The following HNF4G variants were observed in gnomAD, a reference collection of about 807,000 sequenced individuals.
HNF4G encodes the protein hepatocyte nuclear factor 4-gamma.
In HNF4G, 21 loss-of-function variants were observed where a neutral mutation model predicts 50.9. That is an observed-to-expected ratio of 0.41 (90% confidence interval 0.29 to 0.59). HNF4G has a LOEUF of 0.59. Ranked by LOEUF, HNF4G falls within the 20% of genes least tolerant of loss-of-function variation. The pLI is 0.26. For synonymous variants in HNF4G, 198 were observed against 185.6 expected, an observed-to-expected ratio of 1.07 and a Z score of -0.54; for missense variants, 527 against 559.4, an observed-to-expected ratio of 0.94 and a Z score of 0.58.
intron 4 of HNF4G, 108 bp downstream of exon 4, chr8:75,551,602 A>G (rs1297430820): frequency 4.7e-6 from 3 of 639,108 alleles, no homozygotes; most frequent in African/African-American, 3.6e-5. Context: ...TTACTAAAAT[A>G]AGTTACATCT....
chr8:75,545,215 A>G (rs1806737653), intron 2 of HNF4G, among the ~76,000 whole-genome samples: 1 of 149,318 alleles, frequency 6.7e-6, no homozygotes, highest in Admixed American at 6.7e-5. Flanking sequence ...TACCTTCTGG[A>G]GTCAGGTGCT....
At chr8:75,412,163 T>C (rs113829445) in intron 1 of HNF4G, among the ~76,000 whole-genome samples, 129 of 152,290 alleles carry the variant, frequency 8.5e-4, no homozygotes, top group African/African-American at 2.7e-3. Flanking sequence ...TGGAGATGTA[T>C]TGATGAATAA....
At chr8:75,437,818 T>A (rs1811176045) in intron 1 of HNF4G, among the ~76,000 whole-genome samples, 1 of 152,100 alleles carries the variant, frequency 6.6e-6, no homozygotes, top group African/African-American at 2.4e-5. Context: ...AATAAAATAA[T>A]ATAAAGTAAC....
intron 2 of HNF4G, among the ~76,000 whole-genome samples, chr8:75,533,302 T>C (rs549137057): frequency 4.3e-4 from 66 of 152,152 alleles, no homozygotes; most frequent in African/African-American, 1.6e-3. Context: ...TTGCTGCACA[T>C]TGGAATCACC....
chr8:75,544,823 A>C (rs569094980), intron 2 of HNF4G, among the ~76,000 whole-genome samples: 1 of 152,262 alleles, frequency 6.6e-6, no homozygotes, highest in Non-Finnish European at 1.5e-5. Context: ...TGGTTCTGTC[A>C]ATAAAAGGTA....
At position 75,414,582 on chromosome 8, in the gene HNF4G, T is replaced by C. The variant is rs367699125; in HGVS notation, c.-144+6420T>C. On this transcript the variant is annotated intron_variant, in intron 1 of 10. Coordinates refer to the HNF4G transcript ENST00000354370. Reference sequence around the variant, plus strand: ...TTCCCTGTCCCAAAGCAACCATTGATCTACTTTCTGGACCTGTAAATTCAT... The same window carrying C: ...TTCCCTGTCCCAAAGCAACCATTGACCTACTTTCTGGACCTGTAAATTCAT... 1.1e-4 allele frequency among the ~76,000 whole-genome samples: 17 copies of C among 152,330 alleles called. 3 individuals carry two copies. Among genetic ancestry groups the C allele is most frequent in the Admixed American group, 3.3e-4 (5 of 15,302 alleles).
intron 1 of HNF4G, among the ~76,000 whole-genome samples, chr8:75,415,656 C>A (rs1452497166): frequency 2.0e-5 from 3 of 152,128 alleles, no homozygotes; most frequent in African/African-American, 7.2e-5. Flanking sequence ...GATCAATTTG[C>A]TTTAGTCCTG....
At chr8:75,485,698 T>C (rs921503463) in intron 1 of HNF4G, 1 of 152,210 alleles carries the variant, frequency 6.6e-6, no homozygotes, top group Non-Finnish European at 1.5e-5. Flanking sequence ...ATTAATTTTG[T>C]TCCTCAAACT....
At chr8:75,463,290 T>C (rs1811895410) in intron 1 of HNF4G, among the ~76,000 whole-genome samples, 1 of 152,150 alleles carries the variant, frequency 6.6e-6, no homozygotes, top group Non-Finnish European at 1.5e-5. Flanking sequence ...CCTCATATTA[T>C]AGGAAAGTTA....
intron 2 of HNF4G, among the ~76,000 whole-genome samples, chr8:75,492,708 C>T (rs537310472): frequency 1.6e-4 from 25 of 152,058 alleles, no homozygotes; most frequent in Non-Finnish European, 3.5e-4. Flanking sequence ...CACTGAAGTC[C>T]ATTACTTTTA....
intron 2 of HNF4G, among the ~76,000 whole-genome samples, chr8:75,499,395 A>G (rs1812864130): frequency 6.6e-6 from 1 of 152,106 alleles, no homozygotes; most frequent in South Asian, 2.1e-4. Context: ...TAATAATTGG[A>G]AAGACATCCC....
chr8:75,511,118 T>G (rs1056741896), intron 2 of HNF4G, among the ~76,000 whole-genome samples: 1 of 152,142 alleles, frequency 6.6e-6, no homozygotes, highest in Non-Finnish European at 1.5e-5. Flanking sequence ...TAATTATTAT[T>G]ATATTCTAAA....
chr8:75,491,261 G>A (rs1996228), intron 2 of HNF4G, among the ~76,000 whole-genome samples: 121,667 of 152,082 alleles, frequency 0.8, 49,474 homozygotes, highest in African/African-American at 0.95. Context: ...AGTGATGTTT[G>A]CAACATGTTA....
intron 1 of HNF4G, among the ~76,000 whole-genome samples, chr8:75,409,480 CTTTTTTTTTTTTT>C (rs5892492): frequency 4.5e-5 from 3 of 67,338 alleles, no homozygotes; most frequent in Non-Finnish European, 5.2e-5. Context: ...GTGCCTTGTT[CTTTTTTTTTTTTT>C]TTTTTTTTTT....
At chr8:75,425,602 AT>A (rs1223417062) in intron 1 of HNF4G, among the ~76,000 whole-genome samples, 1 of 147,962 alleles carries the variant, frequency 6.8e-6, no homozygotes. Context: ...TATATTATAT[AT>A]TTTTTATATA....
intron 1 of HNF4G, among the ~76,000 whole-genome samples, chr8:75,480,007 A>G (rs938266009): frequency 6.6e-6 from 1 of 152,162 alleles, no homozygotes; most frequent in African/African-American, 2.4e-5. Flanking sequence ...TGTTATAGAA[A>G]AAAGTGTTAT....
chr8:75,420,454 T>A (rs1810750469), intron 1 of HNF4G, among the ~76,000 whole-genome samples: 1 of 152,216 alleles, frequency 6.6e-6, no homozygotes, highest in Non-Finnish European at 1.5e-5. Flanking sequence ...GCCTCAGCCG[T>A]CTCTCTTTTA....
At chr8:75,483,298 T>G (rs1415162958) in intron 1 of HNF4G, among the ~76,000 whole-genome samples, 2 of 152,136 alleles carry the variant, frequency 1.3e-5, no homozygotes, top group African/African-American at 4.8e-5. Context: ...CAAGGGATGG[T>G]TACTTTCTCT....
chr8:75,410,239 C>G (rs1194191176), intron 1 of HNF4G, among the ~76,000 whole-genome samples: 12 of 152,072 alleles, frequency 7.9e-5, no homozygotes, highest in Admixed American at 7.2e-4. Flanking sequence ...TTGTTGGCAC[C>G]AGGGAGATGT....
Sources: allele counts gnomAD v4.1 joint callset (sites outside exome capture counted in the v4.1 genomes callset), GRCh38; gene constraint gnomAD v4.1.1; transcripts MANE v1.5; gene names NCBI Gene and HGNC (gene_info 2026-07-23, HGNC 2026-07-21).